The following ATL1 variants were observed in gnomAD, a reference collection of about 807,000 sequenced individuals.
ATL1 encodes atlastin-1.
In ATL1, 31 loss-of-function variants were observed where a neutral mutation model predicts 75.5. The ratio of observed to expected loss-of-function variants is 0.41; its 90% CI spans 0.31 to 0.55. ATL1 has a LOEUF of 0.55. ATL1 is among the 20% of genes least tolerant of loss of function. ATL1 has a pLI of 0.27. For synonymous variants in ATL1, 226 were observed against 233.3 expected (o/e 0.97, Z 0.28); for missense variants, 405 against 662.6 (o/e 0.61, Z 4.27).
chr14:50,569,016 G>T (rs2038930716), intron 1 of ATL1, among the ~76,000 whole-genome samples: 1 of 151,942 alleles, frequency 6.6e-6, no homozygotes, highest in Non-Finnish European at 1.5e-5. Context: ...TACATATTGT[G>T]TGTCCAAAAC....
upstream of ATL1, among the ~76,000 whole-genome samples, chr14:50,557,597 G>C (rs2038780097): frequency 6.6e-6 from 1 of 152,070 alleles, no homozygotes; most frequent in Admixed American, 6.5e-5. Context: ...CTATATGTGG[G>C]CATTCAGGTT....
intron 8 of ATL1, among the ~76,000 whole-genome samples, 159 bp from the exon 9 acceptor site, chr14:50,620,440 T>C (rs539645269): frequency 1.3e-5 from 2 of 152,230 alleles, no homozygotes; most frequent in East Asian, 3.9e-4. Flanking sequence ...TCATTCACTG[T>C]GAGAAGAGCA....
intron 6 of ATL1, among the ~76,000 whole-genome samples, chr14:50,602,970 A>T (rs947045052): frequency 6.6e-6 from 1 of 152,218 alleles, no homozygotes; most frequent in African/African-American, 2.4e-5. Context: ...ATTTGAGGAC[A>T]GATTTAGCCA....
At chr14:50,614,828 C>T (rs1214408165) in intron 8 of ATL1, among the ~76,000 whole-genome samples, 1 of 152,044 alleles carries the variant, frequency 6.6e-6, no homozygotes, top group Non-Finnish European at 1.5e-5. Context: ...TTTTCCTTAT[C>T]TACATGAAAA....
At chr14:50,534,461 A>G (rs1338826204) in intron 1 of ATL1, among the ~76,000 whole-genome samples, 1 of 152,270 alleles carries the variant, frequency 6.6e-6, no homozygotes, top group Non-Finnish European at 1.5e-5. Context: ...TAGAAACTGA[A>G]TGCCCAGTTT....
intron 6 of ATL1, among the ~76,000 whole-genome samples, chr14:50,600,017 T>C: frequency 6.6e-6 from 1 of 151,792 alleles, no homozygotes; most frequent in East Asian, 1.9e-4. Context: ...AGGTTGATCG[T>C]TGAAGTGCTA....
At chr14:50,590,494 C>G (rs763603056) in intron 2 of ATL1, among the ~76,000 whole-genome samples, 7 of 152,104 alleles carry the variant, frequency 4.6e-5, no homozygotes, top group East Asian at 3.9e-4. Context: ...TTCTGGAATG[C>G]CTTCTCCAAA....
chr14:50,602,203 C>T (rs1389605158), intron 6 of ATL1, among the ~76,000 whole-genome samples: 1 of 152,178 alleles, frequency 6.6e-6, no homozygotes, highest in Non-Finnish European at 1.5e-5. Context: ...CCGCCAGTTA[C>T]TTGTTTCCCC....
At chr14:50,576,363 T>C (rs1240105573) in intron 1 of ATL1, among the ~76,000 whole-genome samples, 1 of 152,184 alleles carries the variant, frequency 6.6e-6, no homozygotes, top group Non-Finnish European at 1.5e-5. Flanking sequence ...GTATAGTTGG[T>C]TCTTTCCTTC....
Position 50,583,565 on chromosome 14 carries a change from A to C in ATL1, c.35-4266A>C, listed in dbSNP as rs550679889. 2.0e-5 allele frequency among the ~76,000 whole-genome samples: 3 copies of C among 152,358 alleles called. 1 individual carries two copies. The highest frequency in any genetic ancestry group is 7.2e-5 in the African/African-American group (3 of 41,586). On this transcript the variant is annotated intron_variant, in intron 1 of 13. Coordinates refer to ENST00000358385, the MANE Select transcript of ATL1 (RefSeq NM_015915.5). Reference sequence around the variant, plus strand: ...TAAAAACATTACCAAAGGGAATTAAAGACCAAACATAGATGGAGAGCTAGA... The same window carrying C: ...TAAAAACATTACCAAAGGGAATTAACGACCAAACATAGATGGAGAGCTAGA...
intron 5 of ATL1, among the ~76,000 whole-genome samples, chr14:50,594,952 T>A (rs1345074095): frequency 7.0e-6 from 1 of 142,098 alleles, no homozygotes; most frequent in Non-Finnish European, 1.5e-5. Flanking sequence ...TGAGCAGAGA[T>A]CATGCCACTG....
At chr14:50,572,499 C>T (rs1286853458) in intron 1 of ATL1, among the ~76,000 whole-genome samples, 1 of 151,990 alleles carries the variant, frequency 6.6e-6, no homozygotes, top group African/African-American at 2.4e-5. Context: ...TCTAAGTTTT[C>T]TGTTATTTTC....
intron 7 of ATL1, 70 bp downstream of exon 7, chr14:50,613,421 G>A: frequency 8.4e-7 from 1 of 1,190,692 alleles, no homozygotes; most frequent in Non-Finnish European, 1.2e-6. Flanking sequence ...ATCATTTGGT[G>A]AATAGATACT....
rs191008579 is a variant in ATL1, at chr14:50,624,347, A to G, written c.1119+1099A>G. ...TGTGTCACATTTTGGTAATTCTCAC[A>G]ATTTTTCAAACTTTTTCATTATTAT... On this transcript the variant is annotated intron_variant, in intron 11 of 13. Coordinates refer to ENST00000358385, the MANE Select transcript of ATL1 (RefSeq NM_015915.5). Among the ~76,000 whole-genome samples, 29 of 152,090 alleles carry G rather than the reference A, an allele frequency of 1.9e-4. No individual in the cohort carries two copies. In the East Asian group the frequency reaches 5.2e-3, roughly 27 times the overall value.
At position 50,629,750 on chromosome 14, in the gene ATL1, T is replaced by C. The variant is rs569087007; in HGVS notation, c.1552-245T>C. Reference sequence around the variant, plus strand: ...GAAATAGTCCCTCAACCACAAAAGATTTAAGAGGGGTTGAGGTCAATGTCA... The same window carrying C: ...GAAATAGTCCCTCAACCACAAAAGACTTAAGAGGGGTTGAGGTCAATGTCA... On this transcript the variant is annotated intron_variant, in intron 12 of 13. Coordinates refer to ENST00000358385, the MANE Select transcript of ATL1 (RefSeq NM_015915.5). Among the ~76,000 whole-genome samples, 9 of 152,198 alleles carry C rather than the reference T, an allele frequency of 5.9e-5. No individual in the cohort carries two copies. The South Asian group carries it at 1.9e-3, about 32-fold the overall frequency.
chr14:50,630,652 T>C (rs893840417), intron 13 of ATL1, among the ~76,000 whole-genome samples: 1 of 152,272 alleles, frequency 6.6e-6, no homozygotes, highest in Admixed American at 6.5e-5. Flanking sequence ...GAAGCAAAGC[T>C]GATCTTGAAC....
intron 12 of ATL1, 84 bp from the exon 13 acceptor site, chr14:50,629,911 A>G: frequency 2.8e-6 from 3 of 1,077,920 alleles, no homozygotes; most frequent in South Asian, 1.5e-5. Context: ...ACAAATTAAT[A>G]TTGTAAGCAA....
intron 11 of ATL1, among the ~76,000 whole-genome samples, chr14:50,623,735 G>T (rs529674135): frequency 1.1e-4 from 16 of 152,230 alleles, no homozygotes; most frequent in African/African-American, 3.9e-4. Context: ...TACTGTGATA[G>T]ATATTATTTT....
chr14:50,606,130 G>A (rs2039315547), intron 6 of ATL1, among the ~76,000 whole-genome samples: 1 of 152,004 alleles, frequency 6.6e-6, no homozygotes, highest in African/African-American at 2.4e-5. Context: ...AGTGTCAAAT[G>A]TAGAGACTGC....
Sources: gnomAD v4.1 joint callset for allele counts (sites outside exome capture counted in the v4.1 genomes callset) on GRCh38, gnomAD v4.1.1 for gene constraint, MANE v1.5 for transcripts, NCBI Gene and HGNC (gene_info 2026-07-23, HGNC 2026-07-21) for gene names.